Variants in LZIC observed in about 807,000 individuals in gnomAD.
LZIC encodes leucine zipper and CTNNBIP1 domain containing.
In LZIC, 28 loss-of-function variants were observed where a neutral mutation model predicts 25.4. The observed-to-expected ratio is 1.10, with a 90% confidence interval of 0.82 to 1.51. LZIC has a LOEUF of 1.51. Ranked by LOEUF, LZIC falls within the 40% of genes most tolerant of loss-of-function variation. The pLI, the probability that LZIC is intolerant of heterozygous loss-of-function variation, is 0.00. For synonymous variants in LZIC, 65 were observed against 70.7 expected (o/e 0.92, Z 0.40); for missense variants, 170 against 211.1 (o/e 0.81, Z 1.21).
rs1326579645 is a variant in LZIC, at chr1:9,926,434, CATGTTTA to C, written c.*3958_*3964del. ...TTTATTTTTCTAAAGATGACCATTC[CATGTTTA>C]ATGTCTTCAGAGAAGATCTAAAAAT... On this transcript the variant is annotated 3_prime_UTR_variant, in exon 8 of 8. Transcript: ENST00000377223. 1.3e-5 allele frequency among the ~76,000 whole-genome samples: 2 copies of C among 152,072 alleles called. No homozygotes were observed. The highest frequency in any genetic ancestry group is 6.6e-5 in the Admixed American group (1 of 15,250).
chr1:9,926,791 A>G lies in LZIC; in HGVS notation c.*3608T>C, dbSNP rs1381372479. Among the ~76,000 whole-genome samples the G allele has an allele frequency of 2.6e-5, 4 of 152,244 alleles. No individual in the cohort carries two copies. The highest frequency in any genetic ancestry group is 2.6e-4 in the Admixed American group (4 of 15,280). Reference sequence around the variant, plus strand: ...TGCCTTAGCTTTATTGCTGCCTATAATCTCCAAAGATATCTGAACACCTAG... The same window carrying G: ...TGCCTTAGCTTTATTGCTGCCTATAGTCTCCAAAGATATCTGAACACCTAG... On this transcript the variant is annotated 3_prime_UTR_variant, in exon 8 of 8. Coordinates refer to ENST00000377223, the MANE Select transcript of LZIC (RefSeq NM_032368.5).
intron 5 of LZIC, among the ~76,000 whole-genome samples, chr1:9,934,326 T>C (rs1640365760): frequency 1.3e-5 from 2 of 152,170 alleles, no homozygotes; most frequent in Admixed American, 6.6e-5. Context: ...TCTGAATCAC[T>C]ATGCTACTGA....
chr1:9,932,957 A>G, intron 5 of LZIC, 59 bp from the exon 6 acceptor site: 1 of 1,204,842 alleles, frequency 8.3e-7, no homozygotes, highest in Non-Finnish European at 1.2e-6. Flanking sequence ...CATATACAAA[A>G]TATAGCTTTT....
Position 9,929,598 on chromosome 1 carries a change from C to A in LZIC, c.*801G>T, listed in dbSNP as rs980630171. ...TCCTGTTGCTTCCCTGGTCAAACAA[C>A]GCAGGCGGCTAAGTCACTTTAGGAA... On this transcript the variant is annotated 3_prime_UTR_variant, in exon 8 of 8. Transcript: ENST00000377223. The A allele has an allele frequency of 2.0e-6, 2 of 985,248 alleles. No individual in the cohort carries two copies. Among genetic ancestry groups the A allele is most frequent in the Non-Finnish European group, 2.4e-6 (2 of 829,932 alleles). The allele number at this position is 985,248 out of a possible 1,614,324, so 61.0% of individuals were successfully genotyped here. A position where few individuals can be genotyped will look rare whatever the true frequency, so the allele number is the denominator to read the frequency against.
chr1:9,939,633 T>C (rs1218806733), intron 2 of LZIC, among the ~76,000 whole-genome samples: 1 of 146,724 alleles, frequency 6.8e-6, no homozygotes, highest in African/African-American at 2.5e-5. Flanking sequence ...ATTACAGGCA[T>C]GAGCCACTGT....
downstream of LZIC, among the ~76,000 whole-genome samples, chr1:9,923,441 C>G (rs1029376662): frequency 6.6e-6 from 1 of 151,320 alleles, no homozygotes; most frequent in Non-Finnish European, 1.5e-5. Context: ...AACTCCTGAC[C>G]TTAGGTGATC....
intron 1 of LZIC, 41 bp from the exon 2 acceptor site, chr1:9,942,823 A>G: frequency 1.6e-6 from 1 of 607,080 alleles, no homozygotes; most frequent in South Asian, 1.5e-5. Flanking sequence ...TTTATTTGCT[A>G]TATATAAACT....
chr1:9,925,204 T>G (rs368896346), downstream of LZIC, among the ~76,000 whole-genome samples: 8 of 150,906 alleles, frequency 5.3e-5, no homozygotes, highest in African/African-American at 1.7e-4. Context: ...CGCATGCCTG[T>G]AATCCCAGCT....
At chr1:9,931,552 G>A (rs902627254) in intron 7 of LZIC, among the ~76,000 whole-genome samples, 5 of 152,116 alleles carry the variant, frequency 3.3e-5, no homozygotes, top group East Asian at 1.9e-4. Context: ...GTGAGCCACC[G>A]CACCCGGCCT....
intron 3 of LZIC, 60 bp from the exon 4 acceptor site, chr1:9,935,687 C>T: frequency 7.0e-7 from 1 of 1,436,438 alleles, no homozygotes; most frequent in Non-Finnish European, 9.4e-7. Flanking sequence ...AAAATGCAAT[C>T]TTAATACTTG....
At chr1:9,935,745 T>C (rs1430330314) in intron 3 of LZIC, 118 bp from the exon 4 acceptor site, 2 of 932,122 alleles carry the variant, frequency 2.1e-6, no homozygotes, top group Admixed American at 2.7e-5. Flanking sequence ...TGATGGTGAA[T>C]GTGTTCACAT....
intron 3 of LZIC, among the ~76,000 whole-genome samples, 199 bp downstream of exon 3, chr1:9,936,320 T>C (rs560887725): frequency 1.3e-5 from 2 of 152,270 alleles, no homozygotes; most frequent in East Asian, 3.9e-4. Flanking sequence ...CACATGCACT[T>C]AGTAGTTAAC....
At position 9,927,310 on chromosome 1, in the gene LZIC, C is replaced by T. The variant is rs1376702551; in HGVS notation, c.*3089G>A. ...TTAAGGATTCCAGATTCAGGTAACTCTCTTTATCTTTTTTTTAGACAGGGG... is the reference window on the plus strand; with the variant it reads ...TTAAGGATTCCAGATTCAGGTAACTTTCTTTATCTTTTTTTTAGACAGGGG... On this transcript the variant is annotated 3_prime_UTR_variant, in exon 8 of 8. Transcript: ENST00000377223. Among the ~76,000 whole-genome samples, 1 of 152,084 alleles carries T rather than the reference C, an allele frequency of 6.6e-6. No homozygotes were observed. The highest frequency in any genetic ancestry group is 1.9e-4 in the East Asian group (1 of 5,196).
At chr1:9,924,598 CCCACCT>C (rs1557428556), downstream of LZIC, among the ~76,000 whole-genome samples, 1 of 152,136 alleles carries the variant, frequency 6.6e-6, no homozygotes, top group Non-Finnish European at 1.5e-5. Context: ...TTGTGATCCG[CCCACCT>C]CCACCTCCCA....
Position 9,932,857 on chromosome 1 carries a change from C to A in LZIC, c.378G>T (p.Leu126=). 6.2e-7 allele frequency: 1 copy of A among 1,612,932 alleles called. No individual in the cohort carries two copies. The highest frequency in any genetic ancestry group is 8.5e-7 in the Non-Finnish European group (1 of 1,179,108). Residue 126 remains leucine (L), a synonymous_variant, in exon 6 of 8, where the codon CTG becomes CTT. Transcript: ENST00000377223. ...GTATCTCCACTTTCTGTTGAGTGTA[C>A]AGGTCTCTTTCCAGCTTTCCTACCA... ...DLMVGKLERD[L]YTQQKVEILT... is the part of the protein sequence containing the mutation.
In LZIC at chr1:9,927,077, G is replaced by A. The variant is rs114749882; in HGVS notation, c.*3322C>T. 0.018 allele frequency among the ~76,000 whole-genome samples: 2,665 copies of A among 152,196 alleles called. 33 individuals carry two copies. Among genetic ancestry groups the A allele is most frequent in the Non-Finnish European group, 0.027 (1,828 of 67,998 alleles). The stretch of plus-strand genomic sequence containing the variant: ...CCTATTATCCTCATTGAATAGAAGA[G>A]AAAAGGAGGCTCAAAAAAATTAAGT... On this transcript the variant is annotated 3_prime_UTR_variant, in exon 8 of 8. Coordinates refer to ENST00000377223, the MANE Select transcript of LZIC (RefSeq NM_032368.5).
downstream of LZIC, among the ~76,000 whole-genome samples, chr1:9,923,186 C>A (rs1266502180): frequency 6.6e-6 from 1 of 152,170 alleles, no homozygotes; most frequent in Non-Finnish European, 1.5e-5. Context: ...AATACACAGG[C>A]TTCCCTTGGT....
chr1:9,924,030 G>A (rs567666502), downstream of LZIC, among the ~76,000 whole-genome samples: 3 of 152,332 alleles, frequency 2.0e-5, no homozygotes, highest in African/African-American at 7.2e-5. Context: ...GGGATTACAG[G>A]TGCCTGCCAC....
intron 3 of LZIC, 67 bp from the exon 4 acceptor site, chr1:9,935,694 C>T: frequency 1.4e-6 from 2 of 1,383,092 alleles, no homozygotes; most frequent in Non-Finnish European, 9.8e-7. Context: ...AATCTTAATA[C>T]TTGTACATTA....
Sources: gnomAD v4.1 joint callset for allele counts (sites outside exome capture counted in the v4.1 genomes callset) on GRCh38, gnomAD v4.1.1 for gene constraint, MANE v1.5 for transcripts, NCBI Gene and HGNC (gene_info 2026-07-23, HGNC 2026-07-21) for gene names.